The following TMEM132C variants were observed in gnomAD, a reference collection of about 807,000 sequenced individuals.
The protein encoded by TMEM132C is protein phosphatase 1, regulatory subunit 152.
In TMEM132C, 29 loss-of-function variants were observed where a neutral mutation model predicts 61.4. That is an observed-to-expected ratio of 0.47 (90% CI 0.35 to 0.64). TMEM132C has a LOEUF of 0.64. TMEM132C is among the 30% of genes least tolerant of loss of function. The probability of loss-of-function intolerance (pLI) is 0.00; values close to 1 mark genes in which losing one functional copy is unlikely to be tolerated. For missense variants in TMEM132C, 1,408 were observed against 1,476.9 expected, an observed-to-expected ratio of 0.95 and a Z score of 0.76; for synonymous variants, 656 against 633.1, an observed-to-expected ratio of 1.04 and a Z score of -0.54.
intron 2 of TMEM132C, among the ~76,000 whole-genome samples, chr12:128,487,603 G>GTATATATATATATATA (rs35552118): frequency 3.7e-5 from 5 of 136,604 alleles, no homozygotes; most frequent in Admixed American, 7.4e-5. Context: ...GTGTGTGTGG[G>GTATATATATATATATA]TATATATATA....
At chr12:128,393,512 G>A (rs1874838075) in intron 1 of TMEM132C, among the ~76,000 whole-genome samples, 1 of 152,146 alleles carries the variant, frequency 6.6e-6, no homozygotes, top group Non-Finnish European at 1.5e-5. Context: ...ACCGTGTTTG[G>A]CAGGAGGTTA....
At position 128,705,447 on chromosome 12, in the gene TMEM132C, A is replaced by G; in HGVS notation, c.2479A>G (p.Lys827Glu). 6.4e-7 allele frequency: 1 copy of G among 1,551,120 alleles called. No homozygotes were observed. The highest frequency in any genetic ancestry group is 8.7e-7 in the Non-Finnish European group (1 of 1,146,976). Residue 827 changes from lysine (K) to glutamate (E), a missense_variant, in exon 9 of 9, where the codon AAG becomes GAG. Lys to Glu is a moderately conservative substitution (Grantham distance 56, BLOSUM62 1). Coordinates refer to ENST00000435159, the MANE Select transcript of TMEM132C (RefSeq NM_001136103.3). ...GAACCACGCCAGCGACCGCCGGCAG[A>G]AGGGCCAGCACCATGAGCGCACAGG... ...IKNHASDRRQKGQHHERTGQD... is the reference protein window; with the variant it reads ...IKNHASDRRQEGQHHERTGQD...
chr12:128,561,339 C>A (rs1445634102), intron 3 of TMEM132C, among the ~76,000 whole-genome samples: 1 of 152,190 alleles, frequency 6.6e-6, no homozygotes, highest in Non-Finnish European at 1.5e-5. Context: ...GCCAGGCTGC[C>A]TCTCAGAAAT....
intron 3 of TMEM132C, among the ~76,000 whole-genome samples, chr12:128,587,753 A>C (rs879742465): frequency 6.6e-6 from 1 of 152,206 alleles, no homozygotes; most frequent in Non-Finnish European, 1.5e-5. Context: ...TGGCAAGGGA[A>C]TCTCACTTTC....
chr12:128,582,765 C>G (rs1875393640), intron 3 of TMEM132C, among the ~76,000 whole-genome samples: 1 of 152,120 alleles, frequency 6.6e-6, no homozygotes, highest in Non-Finnish European at 1.5e-5. Context: ...TCTTTTTCTT[C>G]CCAGTCTCAG....
chr12:128,492,998 C>A (rs1871798905), intron 2 of TMEM132C, among the ~76,000 whole-genome samples: 1 of 152,146 alleles, frequency 6.6e-6, no homozygotes. Flanking sequence ...ATATTTAAGT[C>A]TTTAATCCAT....
At chr12:128,508,572 C>T (rs1180246730) in intron 2 of TMEM132C, among the ~76,000 whole-genome samples, 1 of 152,216 alleles carries the variant, frequency 6.6e-6, no homozygotes, top group Non-Finnish European at 1.5e-5. Context: ...CTGCGGCCTC[C>T]AAGCAAGTGC....
intron 3 of TMEM132C, among the ~76,000 whole-genome samples, chr12:128,577,662 G>A (rs768106285): frequency 9.9e-5 from 15 of 152,184 alleles, no homozygotes; most frequent in East Asian, 1.9e-4. Context: ...TCAGCTCTCC[G>A]CTCCAGCCTT....
intron 3 of TMEM132C, among the ~76,000 whole-genome samples, chr12:128,592,015 G>C (rs1015599480): frequency 7.2e-6 from 1 of 139,380 alleles, no homozygotes; most frequent in East Asian, 2.2e-4. Context: ...TTGTGTCACT[G>C]CACTCCAACC....
intron 2 of TMEM132C, among the ~76,000 whole-genome samples, chr12:128,514,197 C>T (rs1872651963): frequency 6.6e-6 from 1 of 152,186 alleles, no homozygotes; most frequent in Admixed American, 6.5e-5. Flanking sequence ...ACACCAGAAA[C>T]ATTTATGAAA....
At chr12:128,531,415 C>T (rs564737602) in intron 2 of TMEM132C, among the ~76,000 whole-genome samples, 2 of 152,330 alleles carry the variant, frequency 1.3e-5, no homozygotes, top group Non-Finnish European at 2.9e-5. Flanking sequence ...TCACAGCCAA[C>T]CTGAAAGAGA....
chr12:128,344,196 T>C lies in TMEM132C; in HGVS notation c.86-70536T>C, dbSNP rs767364378. 6.4e-4 allele frequency among the ~76,000 whole-genome samples: 98 copies of C among 152,302 alleles called. 1 individual carries two copies. The highest frequency in any genetic ancestry group is 2.3e-3 in the African/African-American group (94 of 41,552). ...TTTTTGAGACGGAGTCTTGCTCTGTTGCCCAGGCTGGAGTGCCGTGGCGCA... is the reference window on the plus strand; with the variant it reads ...TTTTTGAGACGGAGTCTTGCTCTGTCGCCCAGGCTGGAGTGCCGTGGCGCA... On this transcript the variant is annotated intron_variant, in intron 1 of 8. Transcript: ENST00000435159.
intron 3 of TMEM132C, among the ~76,000 whole-genome samples, chr12:128,576,267 G>C (rs1423781828): frequency 5.9e-5 from 9 of 151,916 alleles, no homozygotes; most frequent in Non-Finnish European, 1.2e-4. Context: ...TAGAAGGGGA[G>C]GGGAGGGGAG....
At chr12:128,348,491 A>G (rs968637906) in intron 1 of TMEM132C, among the ~76,000 whole-genome samples, 4 of 152,232 alleles carry the variant, frequency 2.6e-5, no homozygotes, top group Non-Finnish European at 5.9e-5. Context: ...GAGAGCAAAC[A>G]TCTTTGTTCT....
intron 3 of TMEM132C, among the ~76,000 whole-genome samples, chr12:128,594,542 T>A (rs1875878999): frequency 1.3e-5 from 2 of 152,122 alleles, no homozygotes; most frequent in South Asian, 4.2e-4. Flanking sequence ...CTCCCACCCC[T>A]GCACCTGGTG....
chr12:128,508,432 C>T (rs571773787), intron 2 of TMEM132C, among the ~76,000 whole-genome samples: 1 of 152,256 alleles, frequency 6.6e-6, no homozygotes, highest in East Asian at 1.9e-4. Context: ...CTACGGCCCT[C>T]GAGATGAGGA....
At chr12:128,665,678 C>CACACAT (rs1954455461) in intron 4 of TMEM132C, among the ~76,000 whole-genome samples, 1 of 150,004 alleles carries the variant, frequency 6.7e-6, no homozygotes, top group Non-Finnish European at 1.5e-5. Flanking sequence ...CACAGGCATA[C>CACACAT]ACACATACAC....
chr12:128,272,342 G>GT lies in TMEM132C; in HGVS notation c.85+4856dup, dbSNP rs774246764. ...CAGGATGCATTTGATAGTCACCTATGTATCAATAGTTTGTTCCTTTTCAAT... is the reference window on the plus strand; with the variant it reads ...CAGGATGCATTTGATAGTCACCTATGTTATCAATAGTTTGTTCCTTTTCAAT... On this transcript the variant is annotated intron_variant, in intron 1 of 8. Coordinates refer to ENST00000435159, the MANE Select transcript of TMEM132C (RefSeq NM_001136103.3). Among the ~76,000 whole-genome samples, 6 of 152,314 alleles carry GT rather than the reference G, an allele frequency of 3.9e-5. No homozygotes were observed. In the East Asian group the frequency reaches 7.7e-4, roughly 20 times the overall value.
At chr12:128,434,714 T>C (rs904645216) in intron 2 of TMEM132C, among the ~76,000 whole-genome samples, 3 of 152,182 alleles carry the variant, frequency 2.0e-5, no homozygotes, top group Non-Finnish European at 4.4e-5. Context: ...GCAATTATTC[T>C]GCCTCAGCCT....
Sources: allele counts gnomAD v4.1 joint callset (sites outside exome capture counted in the v4.1 genomes callset), GRCh38; gene constraint gnomAD v4.1.1; transcripts MANE v1.5; gene names NCBI Gene and HGNC (gene_info 2026-07-23, HGNC 2026-07-21).